The following GK5 variants were observed in gnomAD, a reference collection of about 807,000 sequenced individuals.
The protein encoded by GK5 is ATP:glycerol 3-phosphotransferase 5.
Under a neutral mutation model 77.3 loss-of-function variants are expected in GK5, and 39 were observed. The ratio of observed to expected loss-of-function variants is 0.50; its 90% CI spans 0.39 to 0.66. GK5 has a LOEUF of 0.66. Among genes scored for constraint, GK5 ranks in the 30% least tolerant of loss-of-function variants. GK5 has a pLI of 0.00. For missense variants in GK5, 487 were observed against 633.8 expected (o/e 0.77, Z 2.49); for synonymous variants, 211 against 208.0 (o/e 1.01, Z -0.13).
intron 1 of GK5, 117 bp downstream of exon 1, chr3:142,225,192 T>G: frequency 8.7e-7 from 1 of 1,152,442 alleles, no homozygotes; most frequent in South Asian, 1.8e-5. Flanking sequence ...CCGCGGGTGC[T>G]GCAGGTGGCC....
intron 12 of GK5, among the ~76,000 whole-genome samples, chr3:142,176,191 T>C (rs1318506108): frequency 6.6e-6 from 1 of 152,130 alleles, no homozygotes; most frequent in Non-Finnish European, 1.5e-5. Flanking sequence ...ATTGAAATAA[T>C]GCTCATTTTA....
chr3:142,213,336 T>C (rs1387320997), intron 3 of GK5, among the ~76,000 whole-genome samples, 190 bp downstream of exon 3: 2 of 152,160 alleles, frequency 1.3e-5, no homozygotes, highest in Non-Finnish European at 2.9e-5. Flanking sequence ...TGTGGTATTA[T>C]ATAATATAAG....
At chr3:142,170,609 A>C in intron 14 of GK5, 151 bp from the exon 15 acceptor site, 1 of 637,324 alleles carries the variant, frequency 1.6e-6, no homozygotes, top group South Asian at 2.3e-5. Flanking sequence ...TAACCTAATG[A>C]CAGAGAACCT....
intron 5 of GK5, among the ~76,000 whole-genome samples, chr3:142,197,688 T>C (rs1319081533): frequency 6.6e-6 from 1 of 152,192 alleles, no homozygotes; most frequent in Non-Finnish European, 1.5e-5. Context: ...GTGTAAATTG[T>C]TATTATCACT....
Position 142,215,687 on chromosome 3 carries a change from T to TTC in GK5, c.151_152dup (p.Asn52LysfsTer10), listed in dbSNP as rs770793046. The TTC allele has an allele frequency of 1.5e-5, 23 of 1,528,128 alleles. No individual in the cohort carries two copies. Among genetic ancestry groups the TTC allele is most frequent in the Non-Finnish European group, 2.0e-5 (22 of 1,105,352 alleles). The allele number at this position is 1,528,128 out of a possible 1,614,324, so 94.7% of individuals were successfully genotyped here. On this transcript the variant is annotated frameshift_variant, in exon 2 of 16. Transcript: ENST00000392993. LOFTEE classifies it high-confidence loss of function. ...CCCAGCCAATTTGAGGATAAAGATT[T>TTC]TCTACCTATTAAGGAAAAGAAGATT...
In GK5 at chr3:142,169,236, C is replaced by T. The variant is rs183831497; in HGVS notation, c.1441+1089G>A. ...CCTACTGACAAAGTTTCCTCCTTGA[C>T]CAAACTCCACTCAGGCTCCTCCAAG... On this transcript the variant is annotated intron_variant, in intron 15 of 15. Coordinates refer to ENST00000392993, the MANE Select transcript of GK5 (RefSeq NM_001039547.3). Among the ~76,000 whole-genome samples, 25 of 152,346 alleles carry T rather than the reference C, an allele frequency of 1.6e-4. 2 individuals are homozygous for T. The highest frequency in any genetic ancestry group is 1.2e-3 in the Admixed American group (19 of 15,310).
At chr3:142,189,266 G>T (rs754555309) in intron 5 of GK5, among the ~76,000 whole-genome samples, 2 of 151,942 alleles carry the variant, frequency 1.3e-5, no homozygotes, top group Non-Finnish European at 2.9e-5. Context: ...AAAAGCAAAT[G>T]GAAACATTTA....
intron 1 of GK5, among the ~76,000 whole-genome samples, chr3:142,216,027 A>G (rs995201841): frequency 2.0e-5 from 3 of 152,222 alleles, no homozygotes; most frequent in African/African-American, 7.2e-5. Context: ...TCCAGTTCAG[A>G]CCACGATAGA....
chr3:142,215,881 A>G (rs1322476242), intron 1 of GK5, among the ~76,000 whole-genome samples, 189 bp from the exon 2 acceptor site: 1 of 152,228 alleles, frequency 6.6e-6, no homozygotes, highest in Admixed American at 6.5e-5. Flanking sequence ...AAATAGCAGT[A>G]ACTCATGAGT....
At chr3:142,204,545 T>C (rs1486050900) in intron 4 of GK5, 150 bp downstream of exon 4, 2 of 702,004 alleles carry the variant, frequency 2.8e-6, no homozygotes, top group African/African-American at 1.8e-5. Context: ...ACGCCTTTGA[T>C]TGGCTATTAT....
chr3:142,187,576 G>C lies in GK5; in HGVS notation c.619+128C>G, dbSNP rs979091128. On this transcript the variant is annotated intron_variant, in intron 6 of 15. Coordinates refer to ENST00000392993, the MANE Select transcript of GK5 (RefSeq NM_001039547.3). ...GCCATGATTACACCATTGCACTCCC[G>C]CCTGGTTGACAGAGCGAGACCCTAG... is the stretch of plus-strand genomic sequence containing the variant. 1.5e-5 allele frequency: 10 copies of C among 669,448 alleles called. No individual in the cohort carries two copies. The East Asian group carries it at 2.2e-4, about 15-fold the overall frequency. The allele number at this position is 669,448 out of a possible 1,614,324, so 41.5% of individuals were successfully genotyped here. A position where few individuals can be genotyped will look rare whatever the true frequency, so the allele number is the denominator to read the frequency against.
intron 5 of GK5, among the ~76,000 whole-genome samples, chr3:142,192,798 T>C (rs1361095006): frequency 1.3e-5 from 2 of 150,848 alleles, no homozygotes; most frequent in Non-Finnish European, 2.9e-5. Context: ...GGATAAACTG[T>C]GCCACATTCA....
rs1485867616 is a variant in GK5 at position 142,170,372 on chromosome 3, A to T, written c.1394T>A (p.Ile465Asn). 1.2e-6 allele frequency: 2 copies of T among 1,614,010 alleles called. No individual in the cohort carries two copies. Among genetic ancestry groups the T allele is most frequent in the African/African-American group, 2.7e-5 (2 of 74,950 alleles). The stretch of plus-strand genomic sequence containing the variant: ...AGCTGCACCCAGGCATGACATGTCA[A>T]TGTCGGCAGGTCTGTCTATATTCTC... Reference protein sequence around the residue: ...INENIDRPADIDMSCLGAASL... With the variant: ...INENIDRPADNDMSCLGAASL... Residue 465 changes from isoleucine to asparagine, a missense_variant, in exon 15 of 16, where the codon ATT (isoleucine) becomes AAT (asparagine). Around this residue, in one of 4 missense-constraint regions of GK5, gnomAD observed 65 missense variants for 89.9 expected, o/e 0.72. Transcript: ENST00000392993.
chr3:142,207,064 T>C (rs2064118982), intron 3 of GK5, among the ~76,000 whole-genome samples: 1 of 152,198 alleles, frequency 6.6e-6, no homozygotes, highest in Non-Finnish European at 1.5e-5. Context: ...ACTGCCAGAA[T>C]GAGCCAACAG....
In GK5 at chr3:142,159,853, C is replaced by CTCTTTTTTTTTTTTTTTTTTTTTTTTTT. The variant is rs1553825247; in HGVS notation, c.*5768_*5769insAAAAAAAAAAAAAAAAAAAAAAAAAAGA. On this transcript the variant is annotated 3_prime_UTR_variant, in exon 16 of 16. Coordinates refer to ENST00000392993, the MANE Select transcript of GK5 (RefSeq NM_001039547.3). ...TTTCTCTCTCTCTCTCTCTCTCTCT[C>CTCTTTTTTTTTTTTTTTTTTTTTTTTTT]TTTTTTTTTTTTGAGACAGAGTCTC... is the stretch of plus-strand genomic sequence containing the variant. The CTCTTTTTTTTTTTTTTTTTTTTTTTTTT allele has an allele frequency of 5.7e-5, 6 of 106,124 alleles. No individual in the cohort carries two copies. The highest frequency in any genetic ancestry group is 2.5e-4 in the African/African-American group (6 of 24,254). 6.6% of individuals were successfully genotyped at this position (106,124 alleles called of 1,614,324 possible).
rs189388977 is a variant in GK5, at chr3:142,191,279, C to T, written c.544-3500G>A. Among the ~76,000 whole-genome samples the T allele has an allele frequency of 1.1e-3, 164 of 152,088 alleles. 1 individual carries two copies. Among genetic ancestry groups the T allele is most frequent in the Non-Finnish European group, 4.0e-4 (27 of 67,978 alleles). ...TCCTGACCTCGTGATCCGCCCACCT[C>T]GGCCTCCCAAAGTGCTGGGATTACA... On this transcript the variant is annotated intron_variant, in intron 5 of 15. Transcript: ENST00000392993.
chr3:142,186,543 T>C (rs753453687), intron 6 of GK5, 30 bp from the exon 7 acceptor site: 1 of 1,073,330 alleles, frequency 9.3e-7, no homozygotes, highest in South Asian at 1.5e-5. Flanking sequence ...AATACATTTA[T>C]TATCAGATAG....
At position 142,182,927 on chromosome 3, in the gene GK5, A is replaced by G. The variant is rs138621936; in HGVS notation, c.939T>C (p.Thr313=). ...INTGNSLQQT[T]GGFYPLIGWK... ...GGATAAATCCTAACTACTTACCTCC[A>G]GTAGTCTGTTGAAGGCTATTTCCAG... The change falls in exon 10 of 16, where the codon ACT becomes ACC. Residue 313 remains threonine, a synonymous_variant. Coordinates refer to ENST00000392993, the MANE Select transcript of GK5 (RefSeq NM_001039547.3). 4 of 1,606,810 alleles carry G rather than the reference A, an allele frequency of 2.5e-6. No individual in the cohort carries two copies. The highest frequency in any genetic ancestry group is 1.7e-5 in the Admixed American group (1 of 59,982).
At chr3:142,167,532 A>C (rs1175139169) in intron 15 of GK5, among the ~76,000 whole-genome samples, 1 of 152,240 alleles carries the variant, frequency 6.6e-6, no homozygotes, top group Non-Finnish European at 1.5e-5. Context: ...TTTATTGTTT[A>C]CATTTTAAGA....
Sources: allele counts gnomAD v4.1 joint callset (sites outside exome capture counted in the v4.1 genomes callset), GRCh38; gene constraint gnomAD v4.1.1; regional missense constraint gnomAD v4.1.1; transcripts MANE v1.5; gene names NCBI Gene and HGNC (gene_info 2026-07-23, HGNC 2026-07-21).